The following DAB1 variants were observed in gnomAD, a reference collection of about 807,000 sequenced individuals.
DAB1 encodes disabled homolog 1.
In DAB1, 15 loss-of-function variants were observed where a neutral mutation model predicts 64.6. That is an observed-to-expected ratio of 0.23 (90% CI 0.16 to 0.36). DAB1 has a LOEUF of 0.36. DAB1 is among the 10% of genes least tolerant of loss of function. The pLI is 1.00. For synonymous variants in DAB1, 235 were observed against 251.9 expected (o/e 0.93, Z 0.64); for missense variants, 596 against 706.7 (o/e 0.84, Z 1.78).
At chr1:57,336,524 C>T (rs1462896835) in intron 1 of DAB1, among the ~76,000 whole-genome samples, 2 of 152,186 alleles carry the variant, frequency 1.3e-5, no homozygotes, top group Non-Finnish European at 2.9e-5. Flanking sequence ...GTTTTGATTC[C>T]TGTGTGTCAG....
chr1:58,325,159 C>T (rs569212991), intron 4 of DAB1, among the ~76,000 whole-genome samples: 1 of 152,168 alleles, frequency 6.6e-6, no homozygotes, highest in Admixed American at 6.5e-5. Context: ...GTGATAAACC[C>T]CAAGCCTAAA....
intron 2 of DAB1, among the ~76,000 whole-genome samples, chr1:58,524,584 G>T (rs1024755141): frequency 1.3e-5 from 2 of 152,216 alleles, no homozygotes; most frequent in Non-Finnish European, 2.9e-5. Context: ...TGCTGGTAGA[G>T]TTGCAGCTAT....
chr1:57,558,419 G>C (rs896683759), intron 7 of DAB1, among the ~76,000 whole-genome samples: 1 of 152,178 alleles, frequency 6.6e-6, no homozygotes, highest in African/African-American at 2.4e-5. Context: ...GGCCCCTAGA[G>C]GTGAGGTTGA....
At chr1:57,251,746 C>G (rs1669358841) in intron 2 of DAB1, among the ~76,000 whole-genome samples, 1 of 152,162 alleles carries the variant, frequency 6.6e-6, no homozygotes, top group Non-Finnish European at 1.5e-5. Flanking sequence ...TCTCTGAAAC[C>G]CTTTTTCACC....
At chr1:57,665,849 CTGTGTGTGTGTGTGTGTG>C in intron 6 of DAB1, among the ~76,000 whole-genome samples, 1 of 137,242 alleles carries the variant, frequency 7.3e-6, no homozygotes, top group East Asian at 2.1e-4. Context: ...TTTTAATTAT[CTGTGTGTGTGTGTGTGTG>C]TGTGTGTGTG....
chr1:57,895,315 A>G (rs1221292873), intron 5 of DAB1, among the ~76,000 whole-genome samples: 1 of 152,192 alleles, frequency 6.6e-6, no homozygotes, highest in East Asian at 1.9e-4. Flanking sequence ...CTAATGTGAT[A>G]GATGAAGAAG....
chr1:57,491,609 A>C (rs1347361240), intron 7 of DAB1, among the ~76,000 whole-genome samples: 1 of 152,212 alleles, frequency 6.6e-6, no homozygotes, highest in Non-Finnish European at 1.5e-5. Flanking sequence ...ACAAGTAGTA[A>C]GAGCAGAGCT....
chr1:57,782,991 C>CTCCT (rs1391714132), intron 6 of DAB1, among the ~76,000 whole-genome samples: 3 of 146,454 alleles, frequency 2.0e-5, no homozygotes, highest in Middle Eastern at 3.4e-3. Context: ...CCCTCCCTCC[C>CTCCT]TCCCTCCTTC....
intron 14 of DAB1, among the ~76,000 whole-genome samples, chr1:57,008,346 T>G (rs531468019): frequency 6.6e-6 from 1 of 152,298 alleles, no homozygotes; most frequent in African/African-American, 2.4e-5. Context: ...ACCAATGGTC[T>G]TATACATGAA....
chr1:58,009,939 T>C (rs1344443642), intron 5 of DAB1, among the ~76,000 whole-genome samples: 1 of 152,198 alleles, frequency 6.6e-6, no homozygotes. Context: ...TTATCAATTA[T>C]TTTAACTTAC....
chr1:57,088,481 T>C (rs1020606208), intron 4 of DAB1, among the ~76,000 whole-genome samples: 9 of 152,208 alleles, frequency 5.9e-5, no homozygotes, highest in African/African-American at 1.9e-4. Context: ...ATTTACTGTT[T>C]GTTTCAGCCA....
chr1:57,854,194 A>G (rs949577140), intron 1 of DAB1, among the ~76,000 whole-genome samples: 9 of 152,228 alleles, frequency 5.9e-5, no homozygotes, highest in Non-Finnish European at 1.3e-4. Context: ...TACTGTGTCT[A>G]AAAATTAAGG....
intron 7 of DAB1, among the ~76,000 whole-genome samples, chr1:57,565,314 A>T (rs570433442): frequency 9.5e-4 from 144 of 152,336 alleles, no homozygotes; most frequent in African/African-American, 3.4e-3. Flanking sequence ...AGCCACTGCA[A>T]AAACATGCCA....
chr1:58,391,493 G>C (rs765228910), intron 3 of DAB1, among the ~76,000 whole-genome samples: 4 of 152,190 alleles, frequency 2.6e-5, no homozygotes, highest in Non-Finnish European at 5.9e-5. Context: ...AGCTAAGAAG[G>C]GGTAAAGCCA....
intron 1 of DAB1, among the ~76,000 whole-genome samples, chr1:57,877,086 T>C (rs577615485): frequency 6.6e-6 from 1 of 152,180 alleles, no homozygotes; most frequent in Non-Finnish European, 1.5e-5. Context: ...TGTTAAATAC[T>C]TGAAAATATG....
At chr1:57,149,961 G>A (rs997713450) in intron 2 of DAB1, among the ~76,000 whole-genome samples, 4 of 152,062 alleles carry the variant, frequency 2.6e-5, no homozygotes, top group African/African-American at 9.7e-5. Flanking sequence ...GAAGAAACTG[G>A]AGCCCAAGAG....
At chr1:57,072,978 C>T (rs757497305) in intron 4 of DAB1, among the ~76,000 whole-genome samples, 2 of 152,182 alleles carry the variant, frequency 1.3e-5, no homozygotes, top group African/African-American at 4.8e-5. Flanking sequence ...ATGCATATCT[C>T]AGGCTTTTCA....
intron 5 of DAB1, among the ~76,000 whole-genome samples, chr1:58,105,636 A>G (rs1479544486): frequency 6.6e-6 from 1 of 152,194 alleles, no homozygotes; most frequent in Non-Finnish European, 1.5e-5. Context: ...GCTTCAACCC[A>G]CTGGGAAACT....
At chr1:58,343,615 T>C (rs1021441287) in intron 3 of DAB1, among the ~76,000 whole-genome samples, 1 of 152,230 alleles carries the variant, frequency 6.6e-6, no homozygotes, top group Admixed American at 6.5e-5. Context: ...ATTCATGTTG[T>C]GCTGCGTGAA....
Sources: gnomAD v4.1 joint callset for allele counts (sites outside exome capture counted in the v4.1 genomes callset) on GRCh38, gnomAD v4.1.1 for gene constraint, MANE v1.5 for transcripts, NCBI Gene and HGNC (gene_info 2026-07-23, HGNC 2026-07-21) for gene names.